FSD1: variants seen among roughly 807,000 people sequenced by gnomAD.
FSD1 encodes the protein fibronectin type III and SPRY domain-containing protein 1.
A neutral mutation model predicts 58.2 loss-of-function variants in FSD1; 23 were observed. The observed-to-expected ratio is 0.40, with a 90% confidence interval of 0.28 to 0.56. The LOEUF (loss-of-function observed/expected upper bound fraction) is 0.56. FSD1 is among the 20% of genes least tolerant of loss of function. FSD1 has a pLI of 0.54. For synonymous variants in FSD1, 265 were observed against 263.4 expected (o/e 1.01, Z -0.06); for missense variants, 563 against 670.8 (o/e 0.84, Z 1.78).
Position 4,310,839 on chromosome 19 carries a change from C to T in FSD1, c.490+243C>T, listed in dbSNP as rs1971682056. 4 of 460,830 alleles carry T rather than the reference C, an allele frequency of 8.7e-6. No individual in the cohort carries two copies. The South Asian group carries it at 9.6e-5, about 11-fold the overall frequency. The allele number at this position is 460,830 out of a possible 1,614,324, so 28.5% of individuals were successfully genotyped here. A position where few individuals can be genotyped will look rare whatever the true frequency, so the allele number is the denominator to read the frequency against. ...TGACATCCTGGGAAAACTCTGTACC[C>T]AGGGGTGGAACTGTGAGAATACCAT... On this transcript the variant is annotated intron_variant, in intron 6 of 12. Coordinates refer to ENST00000221856, the MANE Select transcript of FSD1 (RefSeq NM_024333.3).
chr19:4,317,218 T>C lies in FSD1; in HGVS notation c.737T>C (p.Val246Ala), dbSNP rs142344050. Residue 246 changes from valine to alanine, a missense_variant, in exon 8 of 13, where the codon GTG becomes GCG. Physicochemically the swap from Val to Ala is moderately conservative, Grantham distance 64. Coordinates refer to ENST00000221856, the MANE Select transcript of FSD1 (RefSeq NM_024333.3). ...KFDMKYMNFR[V>A]KACNKAVAGE... ...GACATGAAATACATGAACTTCCGTG[T>C]GAAGGCCTGTAACAAGGCAGTTGCA... The C allele has an allele frequency of 3.7e-6, 6 of 1,613,230 alleles. No individual in the cohort carries two copies. Among genetic ancestry groups the C allele is most frequent in the Non-Finnish European group, 5.1e-6 (6 of 1,179,262 alleles).
At chr19:4,309,247 C>CA (rs1279119800) in intron 4 of FSD1, among the ~76,000 whole-genome samples, 13 of 145,022 alleles carry the variant, frequency 9.0e-5, no homozygotes, top group East Asian at 4.0e-4. Flanking sequence ...GACCTTGTCT[C>CA]AAAAAAAAAG....
At position 4,305,869 on chromosome 19, in the gene FSD1, T is replaced by C. The variant is rs1312604563; in HGVS notation, c.16-77T>C. The C allele has an allele frequency of 9.7e-6, 10 of 1,033,312 alleles. No individual in the cohort carries two copies. In the East Asian group the frequency reaches 1.9e-4, roughly 20 times the overall value. The allele number at this position is 1,033,312 out of a possible 1,614,324, so 64.0% of individuals were successfully genotyped here. On this transcript the variant is annotated intron_variant, in intron 1 of 12. Coordinates refer to ENST00000221856, the MANE Select transcript of FSD1 (RefSeq NM_024333.3). ...GTGCATGTGTGTGCACGTGTGTACA[T>C]GTGCGTACACGTGTGTGTACCTGTG...
chr19:4,310,315 C>T lies in FSD1; in HGVS notation c.368+20C>T, dbSNP rs1442671015. The T allele has an allele frequency of 3.7e-6, 6 of 1,613,276 alleles. No homozygotes were observed. The South Asian group carries it at 4.4e-5, about 12-fold the overall frequency. ...AGATGGGTAAGACACTGGGGTCTGG[C>T]CCCCACCCCACTACCCTGCCCCTGG... On this transcript the variant is annotated intron_variant, in intron 5 of 12. Coordinates refer to ENST00000221856, the MANE Select transcript of FSD1 (RefSeq NM_024333.3).
chr19:4,308,886 T>C (rs1439403163), intron 4 of FSD1, among the ~76,000 whole-genome samples: 1 of 145,568 alleles, frequency 6.9e-6, no homozygotes, highest in Non-Finnish European at 1.5e-5. Context: ...CCATCTTGGC[T>C]AGGACGGTGA....
intron 3 of FSD1, 111 bp from the exon 4 acceptor site, chr19:4,307,771 T>A: frequency 1.4e-6 from 1 of 715,566 alleles, no homozygotes; most frequent in Admixed American, 2.9e-5. Context: ...ATCTCTCACC[T>A]GGAGTTCGAG....
chr19:4,321,481 AG>A (rs1255623435), intron 10 of FSD1, among the ~76,000 whole-genome samples: 3 of 122,668 alleles, frequency 2.4e-5, no homozygotes, highest in Admixed American at 1.7e-4. Flanking sequence ...GCTGGGACTG[AG>A]GAGTATCTGG....
intron 7 of FSD1, among the ~76,000 whole-genome samples, chr19:4,313,724 A>G (rs1199609142): frequency 6.7e-6 from 1 of 149,846 alleles, no homozygotes; most frequent in Non-Finnish European, 1.5e-5. Context: ...CTCAAAAAAA[A>G]AAAAAACAAA....
chr19:4,317,927 G>A (rs1599540401), intron 8 of FSD1, among the ~76,000 whole-genome samples: 2 of 152,302 alleles, frequency 1.3e-5, no homozygotes, highest in East Asian at 1.9e-4. Context: ...TGAGGCAGGA[G>A]AATCGCTTGA....
In FSD1 at chr19:4,310,592, G is replaced by C; in HGVS notation, c.486G>C (p.Leu162=). The C allele has an allele frequency of 1.2e-6, 2 of 1,612,866 alleles. No individual in the cohort carries two copies. The highest frequency in any genetic ancestry group is 1.7e-6 in the Non-Finnish European group (2 of 1,179,848). Residue 162 remains leucine, a synonymous_variant, in exon 6 of 13, where the codon CTG becomes CTC. Transcript: ENST00000221856. ...ERQMLQALKF[L]PVPSAPVIDL... ...AGATGCTACAGGCACTCAAGTTCCT[G>C]CCTGGTGAGAGGGGCACGCACTAGA... is the stretch of plus-strand genomic sequence containing the variant.
At chr19:4,309,320 G>T (rs916623955) in intron 4 of FSD1, among the ~76,000 whole-genome samples, 15 of 152,116 alleles carry the variant, frequency 9.9e-5, no homozygotes, top group African/African-American at 3.6e-4. Flanking sequence ...TAGTATAAGG[G>T]TATATATGTG....
At chr19:4,315,624 T>C (rs1277405822) in intron 7 of FSD1, among the ~76,000 whole-genome samples, 2 of 141,960 alleles carry the variant, frequency 1.4e-5, no homozygotes, top group Admixed American at 1.4e-4. Context: ...TTTTTTTTTT[T>C]TTTTGAGTTG....
At position 4,323,501 on chromosome 19, in the gene FSD1, A is replaced by AGGGGGGGG; in HGVS notation, c.1381-31_1381-30insGGGGGGGG. On this transcript the variant is annotated intron_variant, in intron 12 of 12. Transcript: ENST00000221856. The surrounding 1 kb of genome is among the most constrained non-coding windows in gnomAD (Gnocchi z 7.7). ...TGCTGGGCGCTGGGGTTTGAAGCTG[A>AGGGGGGGG]GCCCCTCCCCCCTCCCCCCGCTGTC... is the stretch of plus-strand genomic sequence containing the variant. 1 of 1,412,750 alleles carries AGGGGGGGG rather than the reference A, an allele frequency of 7.1e-7. No individual in the cohort carries two copies. Among genetic ancestry groups the AGGGGGGGG allele is most frequent in the Non-Finnish European group, 1.0e-6 (1 of 998,316 alleles). 87.5% of individuals were successfully genotyped at this position (1,412,750 alleles called of 1,614,324 possible).
intron 10 of FSD1, among the ~76,000 whole-genome samples, chr19:4,320,838 G>A (rs77678100): frequency 1.1e-4 from 16 of 149,720 alleles, no homozygotes; most frequent in Admixed American, 8.0e-4. Flanking sequence ...GAAATAGCTG[G>A]GACTGAGGAG....
chr19:4,323,151 G>A lies in FSD1; in HGVS notation c.1205G>A (p.Ser402Asn), dbSNP rs746580293. ...CACGTCAACAATTGGCTGCAGGTCA[G>A]CTTCACGGCCAAGCACGCCAACAAG... is the stretch of plus-strand genomic sequence containing the variant. ...CLHVNNWLQV[S>N]FTAKHANKVK... is the part of the protein sequence containing the mutation. The change falls in exon 11 of 13, where the codon AGC becomes AAC. Residue 402 changes from serine (S) to asparagine (N), a missense_variant. Ser to Asn is a conservative substitution (Grantham distance 46). Transcript: ENST00000221856. This position sits in a 1 kb window ranked among gnomAD's most constrained non-coding sequence, Gnocchi z 7.7. 2.5e-6 allele frequency: 4 copies of A among 1,605,234 alleles called. No individual in the cohort carries two copies. Among genetic ancestry groups the A allele is most frequent in the Non-Finnish European group, 3.4e-6 (4 of 1,179,788 alleles).
intron 4 of FSD1, 43 bp downstream of exon 4, chr19:4,308,026 G>A (rs745377027): frequency 2.0e-6 from 3 of 1,475,136 alleles, no homozygotes; most frequent in South Asian, 1.2e-5. Context: ...AGTGTGCCCA[G>A]TCACGTTTGC....
intron 10 of FSD1, 145 bp from the exon 11 acceptor site, chr19:4,322,841 G>A: frequency 8.2e-6 from 8 of 979,612 alleles, no homozygotes; most frequent in Non-Finnish European, 1.0e-5. Context: ...AGTATCTGGG[G>A]GGTACAGCTA....
At chr19:4,306,383 T>A in intron 3 of FSD1, 54 bp downstream of exon 3, 2 of 1,596,698 alleles carry the variant, frequency 1.3e-6, no homozygotes, top group Non-Finnish European at 1.7e-6. Context: ...CAACAGAACG[T>A]AGCTGACCTC....
Position 4,323,804 on chromosome 19 carries a change from CA to C in FSD1, c.*162del, listed in dbSNP as rs1971736029. The stretch of plus-strand genomic sequence containing the variant: ...TGGGCACCCTGGCGGGCCCTCTCCC[CA>C]CCTCACCTCTTAATAAAGGTCAGAC... On this transcript the variant is annotated 3_prime_UTR_variant, in exon 13 of 13. Transcript: ENST00000221856. This position sits in a 1 kb window ranked among gnomAD's most constrained non-coding sequence, Gnocchi z 7.7. 1 of 620,554 alleles carries C rather than the reference CA, an allele frequency of 1.6e-6. No individual in the cohort carries two copies. The allele number at this position is 620,554 out of a possible 1,614,324, so 38.4% of individuals were successfully genotyped here.
Sources: gnomAD v4.1 joint callset for allele counts (sites outside exome capture counted in the v4.1 genomes callset) on GRCh38, gnomAD v4.1.1 for gene constraint, Gnocchi (gnomAD v3.1) non-coding constraint, MANE v1.5 for transcripts, NCBI Gene and HGNC (gene_info 2026-07-23, HGNC 2026-07-21) for gene names.